The following CDH12 variants were observed in gnomAD, a reference collection of about 807,000 sequenced individuals.
CDH12 encodes the protein cadherin 12, also known as cadherin-12.
CDH12 carries 41 observed loss-of-function variants against 74.1 expected under a neutral mutation model. The ratio of observed to expected loss-of-function variants is 0.55; its 90% CI spans 0.43 to 0.72. The LOEUF is 0.72. Among genes scored for constraint, CDH12 ranks in the 30% least tolerant of loss-of-function variants. The probability of loss-of-function intolerance (pLI) is 0.00; values close to 1 mark genes in which losing one functional copy is unlikely to be tolerated. For missense variants in CDH12, 945 were observed against 977.2 expected, an observed-to-expected ratio of 0.97 and a Z score of 0.44; for synonymous variants, 399 against 355.0, an observed-to-expected ratio of 1.12 and a Z score of -1.39.
chr5:22,031,426 ATAAGACTGTTT>A (rs1738818045), intron 5 of CDH12, among the ~76,000 whole-genome samples: 2 of 152,184 alleles, frequency 1.3e-5, no homozygotes, highest in Admixed American at 6.5e-5. Flanking sequence ...CATATCAGCA[ATAAGACTGTTT>A]CACTTTATTA....
chr5:22,279,282 T>A (rs1736771767), intron 3 of CDH12, among the ~76,000 whole-genome samples: 1 of 152,166 alleles, frequency 6.6e-6, no homozygotes, highest in Non-Finnish European at 1.5e-5. Flanking sequence ...TTGGTAGTCT[T>A]TACATACCAA....
Position 21,817,135 on chromosome 5 carries a change from G to A in CDH12, c.815-3C>T, listed in dbSNP as rs1579759426. 6.3e-7 allele frequency: 1 copy of A among 1,594,452 alleles called. No homozygotes were observed. Among genetic ancestry groups the A allele is most frequent in the Non-Finnish European group, 8.5e-7 (1 of 1,169,884 alleles). Reference sequence around the variant, plus strand: ...AGGAACTTTCAAGTGGAAGATGCCTGATAAGACATATAAAATTTGAATTGA... The same window carrying A: ...AGGAACTTTCAAGTGGAAGATGCCTAATAAGACATATAAAATTTGAATTGA... On this transcript the variant is annotated splice_region_variant and splice_polypyrimidine_tract_variant and intron_variant, in intron 8 of 14. Transcript: ENST00000382254.
chr5:22,477,131 A>G (rs557179893), intron 2 of CDH12, among the ~76,000 whole-genome samples: 38 of 152,340 alleles, frequency 2.5e-4, no homozygotes, highest in African/African-American at 8.7e-4. Flanking sequence ...CAGGTTTGTT[A>G]CATAGGTAAA....
At chr5:22,078,419 C>A (rs900092675) in intron 5 of CDH12, 27 bp downstream of exon 5, 3 of 1,598,244 alleles carry the variant, frequency 1.9e-6, no homozygotes, top group Admixed American at 1.7e-5. Flanking sequence ...TCCTATCAAG[C>A]GGTTGTCAAA....
intron 1 of CDH12, among the ~76,000 whole-genome samples, chr5:22,838,771 C>A (rs187630389): frequency 6.6e-6 from 1 of 151,668 alleles, no homozygotes; most frequent in East Asian, 1.9e-4. Context: ...GCCTCCTGGG[C>A]TCAAGGGATC....
chr5:22,120,322 C>G (rs970396975), intron 4 of CDH12, among the ~76,000 whole-genome samples: 1 of 152,096 alleles, frequency 6.6e-6, no homozygotes, highest in Admixed American at 6.6e-5. Flanking sequence ...TATACATATT[C>G]AGTGGAATTT....
intron 3 of CDH12, among the ~76,000 whole-genome samples, chr5:22,214,176 T>C (rs1402599887): frequency 6.6e-6 from 1 of 152,080 alleles, no homozygotes; most frequent in Non-Finnish European, 1.5e-5. Flanking sequence ...GTAACTGAAT[T>C]GCTGTTACTA....
intron 1 of CDH12, among the ~76,000 whole-genome samples, chr5:22,632,557 T>A (rs1738641837): frequency 1.3e-5 from 2 of 151,572 alleles, no homozygotes; most frequent in Admixed American, 6.6e-5. Context: ...TGTTCAAAAG[T>A]TATTTGGAGC....
In CDH12 at chr5:21,975,201, G is replaced by C. The variant is rs1292742039; in HGVS notation, c.416C>G (p.Pro139Arg). ...GATGAATTCTGATTCAGGCTCCAGG[G>C]GCTTTCTGGTTTCTATGTCCACAGC... ...AQAVDIETRK[P>R]LEPESEFIIK... Residue 139 changes from proline to arginine, a missense_variant, in exon 6 of 15, where the codon CCC (proline) becomes CGC (arginine). Pro to Arg is a moderately radical substitution (Grantham distance 103). This residue lies in a region of CDH12 where 6 missense variants were observed against 21.7 expected (regional missense o/e 0.28). Coordinates refer to ENST00000382254, the MANE Select transcript of CDH12 (RefSeq NM_004061.5). 3 of 1,596,914 alleles carry C rather than the reference G, an allele frequency of 1.9e-6. No individual in the cohort carries two copies. Among genetic ancestry groups the C allele is most frequent in the Non-Finnish European group, 2.5e-6 (3 of 1,179,432 alleles).
chr5:22,763,561 A>G (rs1002598936), intron 1 of CDH12, among the ~76,000 whole-genome samples: 2 of 151,984 alleles, frequency 1.3e-5, no homozygotes, highest in African/African-American at 4.8e-5. Context: ...AACTATTCTA[A>G]GTATTTGAGC....
chr5:22,610,163 C>T (rs1737324463), intron 1 of CDH12, among the ~76,000 whole-genome samples: 1 of 152,134 alleles, frequency 6.6e-6, no homozygotes, highest in Non-Finnish European at 1.5e-5. Context: ...ATTCTCCTTG[C>T]TTTTACTGAT....
At chr5:21,920,496 G>C (rs1393058318) in intron 6 of CDH12, among the ~76,000 whole-genome samples, 2 of 151,766 alleles carry the variant, frequency 1.3e-5, no homozygotes, top group Non-Finnish European at 2.9e-5. Flanking sequence ...ATGGACAAAG[G>C]GAGAGGGAAC....
intron 3 of CDH12, among the ~76,000 whole-genome samples, chr5:22,342,304 T>C (rs560393490): frequency 2.0e-4 from 31 of 152,296 alleles, no homozygotes; most frequent in East Asian, 7.7e-4. Context: ...CTCAATACTG[T>C]ATCACCAGTT....
chr5:21,903,363 G>A (rs999509556), intron 6 of CDH12, among the ~76,000 whole-genome samples: 6 of 152,066 alleles, frequency 3.9e-5, no homozygotes, highest in South Asian at 2.1e-4. Flanking sequence ...TTGTAAGTAC[G>A]TTTGAAAAAC....
intron 1 of CDH12, among the ~76,000 whole-genome samples, chr5:22,543,070 T>G (rs1382359871): frequency 6.6e-6 from 1 of 152,170 alleles, no homozygotes; most frequent in Non-Finnish European, 1.5e-5. Flanking sequence ...AGAATTATGT[T>G]CATTCTTATT....
At chr5:21,943,569 C>T (rs1170151412) in intron 6 of CDH12, among the ~76,000 whole-genome samples, 1 of 152,068 alleles carries the variant, frequency 6.6e-6, no homozygotes, top group Non-Finnish European at 1.5e-5. Flanking sequence ...TGTGCCATTA[C>T]ATTAGGATTA....
intron 6 of CDH12, among the ~76,000 whole-genome samples, chr5:21,892,710 A>T (rs1752950219): frequency 6.6e-6 from 1 of 152,124 alleles, no homozygotes. Context: ...AAAATAATTT[A>T]AAAAATGGTT....
At chr5:22,272,765 C>T (rs1333134780) in intron 3 of CDH12, among the ~76,000 whole-genome samples, 2 of 152,084 alleles carry the variant, frequency 1.3e-5, no homozygotes, top group South Asian at 2.1e-4. Flanking sequence ...CAACATTGAT[C>T]TAAATGTGAC....
chr5:21,942,652 G>A lies in CDH12; in HGVS notation c.526+32439C>T, dbSNP rs573146714. ...TGTATGTGTGTGTGTTTATATATGA[G>A]TATATATATTCAAAGTTCTGAAATG... is the stretch of plus-strand genomic sequence containing the variant. On this transcript the variant is annotated intron_variant, in intron 6 of 14. Coordinates refer to ENST00000382254, the MANE Select transcript of CDH12 (RefSeq NM_004061.5). 8.5e-5 allele frequency among the ~76,000 whole-genome samples: 13 copies of A among 152,060 alleles called. No homozygotes were observed. In the East Asian group the frequency reaches 2.1e-3, roughly 25 times the overall value.
Sources: allele counts gnomAD v4.1 joint callset (sites outside exome capture counted in the v4.1 genomes callset), GRCh38; gene constraint gnomAD v4.1.1; regional missense constraint gnomAD v4.1.1; transcripts MANE v1.5; gene names NCBI Gene and HGNC (gene_info 2026-07-23, HGNC 2026-07-21).